Variants in ST18 observed in about 807,000 individuals in gnomAD.
The protein encoded by ST18 is suppression of tumorigenicity 18 protein.
A neutral mutation model predicts 110.0 loss-of-function variants in ST18; 50 were observed. The ratio of observed to expected loss-of-function variants is 0.45; its 90% CI spans 0.36 to 0.58. The LOEUF is 0.58. Among genes scored for constraint, ST18 ranks in the 20% least tolerant of loss-of-function variants. The pLI, the probability that ST18 is intolerant of heterozygous loss-of-function variation, is 0.00. For synonymous variants in ST18, 461 were observed against 452.4 expected, an observed-to-expected ratio of 1.02 and a Z score of -0.24; for missense variants, 1,306 against 1,280.1, an observed-to-expected ratio of 1.02 and a Z score of -0.31.
chr8:52,154,552 T>A (rs1587139541), intron 15 of ST18: 1 of 152,328 alleles, frequency 6.6e-6, no homozygotes, highest in South Asian at 2.1e-4. Flanking sequence ...CTGGGGCCTG[T>A]ACCGGAGGAA....
chr8:52,194,129 T>C (rs918355099), intron 8 of ST18, among the ~76,000 whole-genome samples: 2 of 152,188 alleles, frequency 1.3e-5, no homozygotes, highest in East Asian at 1.9e-4. Flanking sequence ...ATTAATTGCA[T>C]ATCGTCTACC....
At chr8:52,143,356 G>A (rs555280670) in intron 16 of ST18, among the ~76,000 whole-genome samples, 6 of 152,178 alleles carry the variant, frequency 3.9e-5, no homozygotes, top group African/African-American at 2.4e-5. Context: ...GCTGTGGTGC[G>A]TGCCTGTAGT....
At chr8:52,232,189 T>C (rs2091588987) in intron 2 of ST18, among the ~76,000 whole-genome samples, 1 of 152,202 alleles carries the variant, frequency 6.6e-6, no homozygotes, top group African/African-American at 2.4e-5. Flanking sequence ...AAGGAACAGA[T>C]AAAAAGTGAA....
intron 2 of ST18, among the ~76,000 whole-genome samples, chr8:52,349,950 C>T (rs897405709): frequency 1.3e-5 from 2 of 152,070 alleles, no homozygotes; most frequent in Non-Finnish European, 2.9e-5. Flanking sequence ...ACACTTGTCC[C>T]GACAGCAACT....
At chr8:52,173,632 G>A (rs1278189981) in intron 9 of ST18, among the ~76,000 whole-genome samples, 1 of 152,106 alleles carries the variant, frequency 6.6e-6, no homozygotes, top group Non-Finnish European at 1.5e-5. Flanking sequence ...CCAGGCACGT[G>A]GGGTGTGCCC....
intron 2 of ST18, among the ~76,000 whole-genome samples, chr8:52,334,263 A>C (rs938128037): frequency 1.3e-5 from 2 of 152,230 alleles, no homozygotes; most frequent in African/African-American, 4.8e-5. Context: ...ACAAATTTTC[A>C]CTAAAAAATG....
intron 2 of ST18, among the ~76,000 whole-genome samples, chr8:52,243,824 T>G (rs1335696245): frequency 3.9e-5 from 6 of 152,114 alleles, no homozygotes; most frequent in African/African-American, 1.4e-4. Flanking sequence ...GACATATTTC[T>G]TGTCAATGAT....
Position 52,274,943 on chromosome 8 carries a change from G to A in ST18, c.-464-44866C>T, listed in dbSNP as rs938186314. On this transcript the variant is annotated intron_variant, in intron 2 of 25. Transcript: ENST00000689386. ...ACTTGTTAAGTGTGGGAAATATACAGAACATTGTTTATATTTTTATCTTAA... is the reference window on the plus strand; with the variant it reads ...ACTTGTTAAGTGTGGGAAATATACAAAACATTGTTTATATTTTTATCTTAA... Among the ~76,000 whole-genome samples, 75 of 152,222 alleles carry A rather than the reference G, an allele frequency of 4.9e-4. 1 individual carries two copies. The highest frequency in any genetic ancestry group is 1.8e-4 in the Non-Finnish European group (12 of 67,986).
rs370520738 is a variant in ST18 at position 52,139,163 on chromosome 8, C to T, written c.2169-1680G>A. Among the ~76,000 whole-genome samples, 12 of 152,094 alleles carry T rather than the reference C, an allele frequency of 7.9e-5. No individual in the cohort carries two copies. In the South Asian group the frequency reaches 1.5e-3, roughly 18 times the overall value. On this transcript the variant is annotated intron_variant, in intron 17 of 25. Coordinates refer to ENST00000689386, the MANE Select transcript of ST18 (RefSeq NM_001352837.2). ...AGACAAAAACCAGTTATTAACATTT[C>T]GGCTGAGTTATCTTGCAAGTGCCAT... is the stretch of plus-strand genomic sequence containing the variant.
chr8:52,272,809 C>T (rs1277965962), intron 2 of ST18, among the ~76,000 whole-genome samples: 2 of 152,138 alleles, frequency 1.3e-5, no homozygotes, highest in African/African-American at 2.4e-5. Context: ...TGAAAACAAC[C>T]TTCATAAATG....
At chr8:52,295,426 T>C (rs2095617457) in intron 2 of ST18, among the ~76,000 whole-genome samples, 1 of 152,144 alleles carries the variant, frequency 6.6e-6, no homozygotes, top group South Asian at 2.1e-4. Flanking sequence ...CTCTAAGTAA[T>C]AAACTACTCC....
chr8:52,306,780 T>C (rs2095819747), intron 2 of ST18, among the ~76,000 whole-genome samples: 1 of 152,088 alleles, frequency 6.6e-6, no homozygotes, highest in South Asian at 2.1e-4. Context: ...ATTGATATAA[T>C]ATAGATGAAA....
At position 52,166,931 on chromosome 8, in the gene ST18, G is replaced by A; in HGVS notation, c.1125C>T (p.Gly375=). The A allele has an allele frequency of 6.2e-7, 1 of 1,612,560 alleles. No homozygotes were observed. The highest frequency in any genetic ancestry group is 8.5e-7 in the Non-Finnish European group (1 of 1,178,846). Residue 375 remains glycine, a synonymous_variant, in exon 11 of 26, where the codon GGC becomes GGT. Transcript: ENST00000689386. ...ETKCPIPGCD[G]TGHVTGLYPH... The stretch of plus-strand genomic sequence containing the variant: ...GGTAGAGCCCTGTCACGTGTCCCGT[G>A]CCATCACATCCAGGGATCGGGCACT...
chr8:52,151,199 C>T (rs1450549360), intron 15 of ST18, among the ~76,000 whole-genome samples: 2 of 152,108 alleles, frequency 1.3e-5, no homozygotes, highest in East Asian at 3.9e-4. Flanking sequence ...CAACCCCCCA[C>T]TCCCAACCCC....
At chr8:52,289,294 T>A (rs1026103502) in intron 2 of ST18, among the ~76,000 whole-genome samples, 15 of 152,278 alleles carry the variant, frequency 9.9e-5, no homozygotes, top group Non-Finnish European at 1.9e-4. Flanking sequence ...ACCCCGTGTC[T>A]ACAAAAATAC....
At position 52,147,214 on chromosome 8, in the gene ST18, T is replaced by G. The variant is rs141391941; in HGVS notation, c.2052+2518A>C. Among the ~76,000 whole-genome samples, 646 of 152,308 alleles carry G rather than the reference T, an allele frequency of 4.2e-3. 1 individual carries two copies. Among genetic ancestry groups the G allele is most frequent in the Middle Eastern group, 0.02 (6 of 294 alleles). ...GTGAATTTGCTGGGAAATGAAACAC[T>G]GTCCCAGATATATATGCATGAGAAA... On this transcript the variant is annotated intron_variant, in intron 16 of 25. Coordinates refer to ENST00000689386, the MANE Select transcript of ST18 (RefSeq NM_001352837.2).
intron 2 of ST18, among the ~76,000 whole-genome samples, chr8:52,383,418 T>C (rs550970983): frequency 6.6e-6 from 1 of 152,240 alleles, no homozygotes; most frequent in South Asian, 2.1e-4. Flanking sequence ...CCTTGATGAC[T>C]TTTAGTCATT....
intron 2 of ST18, among the ~76,000 whole-genome samples, chr8:52,264,610 C>A (rs907211551): frequency 6.6e-6 from 1 of 152,142 alleles, no homozygotes; most frequent in African/African-American, 2.4e-5. Flanking sequence ...CTTTTGTCCT[C>A]ATGGTTTGAA....
intron 22 of ST18, among the ~76,000 whole-genome samples, chr8:52,131,449 G>A (rs570784720): frequency 6.6e-6 from 1 of 152,318 alleles, no homozygotes; most frequent in South Asian, 2.1e-4. Flanking sequence ...TAGATCTCCT[G>A]TATCCTGCTG....
Sources: allele counts gnomAD v4.1 joint callset (sites outside exome capture counted in the v4.1 genomes callset), GRCh38; gene constraint gnomAD v4.1.1; transcripts MANE v1.5; gene names NCBI Gene and HGNC (gene_info 2026-07-23, HGNC 2026-07-21).